TBC1D19: variants seen among roughly 807,000 people sequenced by gnomAD.
The protein encoded by TBC1D19 is TBC1 domain family member 19, also known as TBC1 domain family, member 19.
Under a neutral mutation model 89.0 loss-of-function variants are expected in TBC1D19, and 60 were observed. The observed-to-expected ratio is 0.67, with a 90% CI of 0.55 to 0.84. The LOEUF is 0.84. Ranked by LOEUF, TBC1D19 falls within the 40% of genes least tolerant of loss-of-function variation. TBC1D19 has a pLI of 0.00. For missense variants in TBC1D19, 500 were observed against 610.8 expected, an observed-to-expected ratio of 0.82 and a Z score of 1.91; for synonymous variants, 189 against 199.7, an observed-to-expected ratio of 0.95 and a Z score of 0.45.
chr4:26,794,523 AAAC>A, the TBC1D19 span, among the ~76,000 whole-genome samples: 7 of 152,196 alleles, frequency 4.6e-5, no homozygotes, highest in African/African-American at 1.2e-4. Flanking sequence ...TACAAAGTGA[AAAC>A]AAAAAAGTAT....
At chr4:26,597,306 C>T (rs1461471402) in intron 1 of TBC1D19, among the ~76,000 whole-genome samples, 1 of 152,120 alleles carries the variant, frequency 6.6e-6, no homozygotes, top group Non-Finnish European at 1.5e-5. Flanking sequence ...ACCTCTTAAT[C>T]GTTCTGAAGT....
intron 15 of TBC1D19, among the ~76,000 whole-genome samples, chr4:26,733,780 G>A (rs1269917270): frequency 1.3e-5 from 2 of 152,162 alleles, no homozygotes; most frequent in East Asian, 3.8e-4. Context: ...AAGAAGAAAT[G>A]TAATAGGGAT....
At chr4:26,743,312 T>C (rs1238875612) in intron 18 of TBC1D19, among the ~76,000 whole-genome samples, 2 of 152,140 alleles carry the variant, frequency 1.3e-5, no homozygotes, top group Non-Finnish European at 2.9e-5. Context: ...CAAAAGAAGT[T>C]AGTGGGAGAT....
chr4:26,745,314 T>C (rs1202370419), intron 18 of TBC1D19, among the ~76,000 whole-genome samples: 2 of 151,892 alleles, frequency 1.3e-5, no homozygotes, highest in East Asian at 3.8e-4. Flanking sequence ...ATTGATATTA[T>C]TGAATTGGAA....
chr4:26,690,072 C>T (rs1714146959), intron 13 of TBC1D19, among the ~76,000 whole-genome samples: 1 of 152,098 alleles, frequency 6.6e-6, no homozygotes, highest in Non-Finnish European at 1.5e-5. Context: ...AGGAGAACAG[C>T]CTTGTTGCTG....
Position 26,659,592 on chromosome 4 carries a change from T to C in TBC1D19, c.481-5T>C. 2 of 1,564,824 alleles carry C rather than the reference T, an allele frequency of 1.3e-6. No individual in the cohort carries two copies. The highest frequency in any genetic ancestry group is 1.8e-6 in the Non-Finnish European group (2 of 1,142,830). On this transcript the variant is annotated splice_region_variant and splice_polypyrimidine_tract_variant and intron_variant, in intron 7 of 20. Transcript: ENST00000264866. ...TAACCAATTTTGTTGGATTTGTTTT[T>C]AAAGGTATTAATTAATCTTCGCAAC...
chr4:26,779,306 C>CA, the TBC1D19 span, among the ~76,000 whole-genome samples: 3 of 152,232 alleles, frequency 2.0e-5, no homozygotes, highest in Admixed American at 1.3e-4. Context: ...CACCTGAGAG[C>CA]AAAAAAGGAA....
At chr4:26,659,728 A>ATT in intron 8 of TBC1D19, 21 bp downstream of exon 8, 1 of 1,457,310 alleles carries the variant, frequency 6.9e-7, no homozygotes, top group Admixed American at 1.8e-5. Flanking sequence ...AAACTTAAAA[A>ATT]TAAACATCAT....
At chr4:26,761,237 A>G in the TBC1D19 span, among the ~76,000 whole-genome samples, 2 of 152,226 alleles carry the variant, frequency 1.3e-5, no homozygotes, top group African/African-American at 4.8e-5. Flanking sequence ...AAAGAAGTAA[A>G]AAGTCTGCGT....
At chr4:26,645,657 G>A (rs955490563) in intron 7 of TBC1D19, among the ~76,000 whole-genome samples, 1 of 152,144 alleles carries the variant, frequency 6.6e-6, no homozygotes, top group Non-Finnish European at 1.5e-5. Context: ...TGACAAATGG[G>A]AACTAATTAT....
At chr4:26,681,411 T>C (rs1238800864) in intron 11 of TBC1D19, among the ~76,000 whole-genome samples, 1 of 148,552 alleles carries the variant, frequency 6.7e-6, no homozygotes, top group African/African-American at 2.5e-5. Flanking sequence ...ATCAGGCGGG[T>C]ATGGTGCTGG....
At chr4:26,597,899 C>T (rs887994978) in intron 1 of TBC1D19, among the ~76,000 whole-genome samples, 2 of 151,986 alleles carry the variant, frequency 1.3e-5, no homozygotes, top group African/African-American at 4.8e-5. Context: ...CTTTAGGTAG[C>T]TACACTAGAG....
At chr4:26,695,056 G>A (rs1483046187) in intron 13 of TBC1D19, among the ~76,000 whole-genome samples, 1 of 152,176 alleles carries the variant, frequency 6.6e-6, no homozygotes, top group Non-Finnish European at 1.5e-5. Flanking sequence ...TGACTTTGAC[G>A]AGTTGAGAGA....
chr4:26,737,514 GT>G (rs1366643627), intron 16 of TBC1D19, among the ~76,000 whole-genome samples: 1 of 152,110 alleles, frequency 6.6e-6, no homozygotes, highest in Non-Finnish European at 1.5e-5. Context: ...ATCTTCTGGT[GT>G]TTAAAATATA....
chr4:26,609,680 C>T (rs1315304804), intron 1 of TBC1D19, among the ~76,000 whole-genome samples: 1 of 152,010 alleles, frequency 6.6e-6, no homozygotes, highest in Non-Finnish European at 1.5e-5. Flanking sequence ...TTGTGAAGGA[C>T]CAAGTATGCC....
chr4:26,762,658 A>G, the TBC1D19 span, among the ~76,000 whole-genome samples: 1 of 152,182 alleles, frequency 6.6e-6, no homozygotes, highest in African/African-American at 2.4e-5. Flanking sequence ...GGCAAAAGGG[A>G]CTTGCTGATG....
intron 1 of TBC1D19, among the ~76,000 whole-genome samples, chr4:26,604,679 T>A (rs1740863082): frequency 6.6e-6 from 1 of 150,642 alleles, no homozygotes; most frequent in African/African-American, 2.4e-5. Context: ...ATCGAGACCA[T>A]CCTGGCTAAC....
In TBC1D19 at chr4:26,673,763, A is replaced by G. The variant is rs1280640112; in HGVS notation, c.704-13A>G. 2 of 1,554,084 alleles carry G rather than the reference A, an allele frequency of 1.3e-6. No individual in the cohort carries two copies. The highest frequency in any genetic ancestry group is 2.3e-5 in the East Asian group (1 of 44,432). On this transcript the variant is annotated splice_polypyrimidine_tract_variant and intron_variant, in intron 10 of 20. Transcript: ENST00000264866. ...CTGAGTTTTCAAAGGAGATTTTCAT[A>G]TACTTTTGATAGTTCTAGCAGAACA...
chr4:26,677,777 A>G (rs544184671), intron 11 of TBC1D19, among the ~76,000 whole-genome samples: 29 of 152,278 alleles, frequency 1.9e-4, no homozygotes, highest in Admixed American at 5.9e-4. Context: ...GTTTGGTTTT[A>G]TAAGGGGTTT....
Sources: allele counts gnomAD v4.1 joint callset (sites outside exome capture counted in the v4.1 genomes callset), GRCh38; gene constraint gnomAD v4.1.1; transcripts MANE v1.5; gene names NCBI Gene and HGNC (gene_info 2026-07-23, HGNC 2026-07-21).